DDB2: variants seen among roughly 807,000 people sequenced by gnomAD.
DDB2 encodes damage specific DNA binding protein 2, also known as DNA damage-binding protein 2.
DDB2 carries 27 observed loss-of-function variants against 50.5 expected under a neutral mutation model. The observed-to-expected ratio is 0.53, with a 90% CI of 0.39 to 0.74. The LOEUF (loss-of-function observed/expected upper bound fraction) is 0.74. DDB2 is among the 30% of genes least tolerant of loss of function. DDB2 has a pLI of 0.00. For synonymous variants in DDB2, 176 were observed against 205.5 expected (o/e 0.86, Z 1.23); for missense variants, 424 against 545.6 (o/e 0.78, Z 2.22).
intron 7 of DDB2, among the ~76,000 whole-genome samples, chr11:47,236,611 T>C (rs1445941269): frequency 6.6e-6 from 1 of 152,260 alleles, no homozygotes; most frequent in Non-Finnish European, 1.5e-5. Flanking sequence ...TACTAGTCTC[T>C]AACTGATAGG....
chr11:47,237,794 A>C (rs1308591873), intron 7 of DDB2, 43 bp from the exon 8 acceptor site: 1 of 1,603,142 alleles, frequency 6.2e-7, no homozygotes, highest in Non-Finnish European at 8.5e-7. Flanking sequence ...CCCCTTGATC[A>C]TGTTCTGTGT....
At chr11:47,234,230 C>A (rs1417041011) in intron 4 of DDB2, among the ~76,000 whole-genome samples, 1 of 152,068 alleles carries the variant, frequency 6.6e-6, no homozygotes, top group Non-Finnish European at 1.5e-5. Flanking sequence ...AAGGAGAGAG[C>A]AGTAAAGGAG....
At chr11:47,222,267 CTT>C (rs1364817424) in intron 3 of DDB2, among the ~76,000 whole-genome samples, 1 of 151,488 alleles carries the variant, frequency 6.6e-6, no homozygotes, top group Non-Finnish European at 1.5e-5. Context: ...AATATATGGT[CTT>C]TTATTTTTGT....
At chr11:47,235,952 T>TTTGA (rs1953721179) in intron 7 of DDB2, 1 of 141,254 alleles carries the variant, frequency 7.1e-6, no homozygotes, top group Non-Finnish European at 1.6e-5. Flanking sequence ...TTTTTTTTCT[T>TTTGA]GAAACGGTCT....
chr11:47,215,926 A>G, intron 1 of DDB2: 1 of 321,018 alleles, frequency 3.1e-6, no homozygotes, highest in Non-Finnish European at 6.0e-6. Context: ...TCTTTTCCTA[A>G]ACGGTGACTT....
At chr11:47,229,847 T>G in intron 3 of DDB2, 1 of 396,600 alleles carries the variant, frequency 2.5e-6, no homozygotes, top group Non-Finnish European at 4.8e-6. Context: ...TTCTTCCTAA[T>G]AGAGACAGGG....
At chr11:47,227,628 A>G (rs1015890902) in intron 3 of DDB2, among the ~76,000 whole-genome samples, 2 of 151,818 alleles carry the variant, frequency 1.3e-5, no homozygotes, top group African/African-American at 4.8e-5. Context: ...CTCCTGCCTC[A>G]GCCTCCCAAG....
Position 47,236,995 on chromosome 11 carries a change from T to C in DDB2, c.1024-842T>C, listed in dbSNP as rs78806813. Among the ~76,000 whole-genome samples, 935 of 152,346 alleles carry C rather than the reference T, an allele frequency of 6.1e-3. 15 individuals carry two copies. The highest frequency in any genetic ancestry group is 0.021 in the African/African-American group (870 of 41,588). On this transcript the variant is annotated intron_variant, in intron 7 of 9. Coordinates refer to ENST00000256996, the MANE Select transcript of DDB2 (RefSeq NM_000107.3). ...CCTTGAGAAGTTTAGGAAAATCCCA[T>C]CCAATTCTGCCATTTTAATAACTGC...
chr11:47,223,624 CAAAAA>C (rs760490269), intron 3 of DDB2, among the ~76,000 whole-genome samples: 1 of 150,822 alleles, frequency 6.6e-6, no homozygotes, highest in Non-Finnish European at 1.5e-5. Flanking sequence ...TCTAAAAATA[CAAAAA>C]AAATTAGCCA....
Position 47,216,911 on chromosome 11 carries a change from G to T in DDB2, c.318G>T (p.Lys106Asn), listed in dbSNP as rs541629437. 2 of 1,614,064 alleles carry T rather than the reference G, an allele frequency of 1.2e-6. No homozygotes were observed. The highest frequency in any genetic ancestry group is 2.2e-5 in the South Asian group (2 of 91,072). ...TGGATTCTTACCGGATATTACAAAA[G>T]GCTGCCCCCTTTGACAGGAGGGCTA... ...HTLDSYRILQ[K>N]AAPFDRRATS... Residue 106 changes from lysine (K) to asparagine (N), a missense_variant, in exon 3 of 10, where the codon AAG (lysine) becomes AAT (asparagine). Transcript: ENST00000256996.
chr11:47,234,861 T>C lies in DDB2; in HGVS notation c.807T>C (p.Ile269=), dbSNP rs749806545. ...ATASVDQTVK[I]WDLRQVRGKA... ...CCTCCGTAGATCAAACAGTGAAAAT[T>C]TGGGACCTGCGCCAGGTTAGAGGGA... The change falls in exon 6 of 10, where the codon ATT becomes ATC. Residue 269 remains isoleucine (I), a synonymous_variant. Transcript: ENST00000256996. 2.8e-5 allele frequency: 45 copies of C among 1,614,080 alleles called. No individual in the cohort carries two copies. Among genetic ancestry groups the C allele is most frequent in the Non-Finnish European group, 3.5e-5 (41 of 1,180,040 alleles).
intron 3 of DDB2, among the ~76,000 whole-genome samples, chr11:47,230,282 C>T (rs1473973355): frequency 1.3e-5 from 2 of 152,132 alleles, no homozygotes; most frequent in South Asian, 2.1e-4. Flanking sequence ...TTTTGAACTC[C>T]TGGCCTTAAG....
chr11:47,214,803 A>G, upstream of DDB2: 1 of 379,042 alleles, frequency 2.6e-6, no homozygotes. Flanking sequence ...AAAGCCGGGG[A>G]CCATCTTTGC....
intron 3 of DDB2, among the ~76,000 whole-genome samples, chr11:47,220,919 G>A (rs973798873): frequency 6.6e-6 from 1 of 152,184 alleles, no homozygotes; most frequent in Non-Finnish European, 1.5e-5. Flanking sequence ...CAGCACTTTG[G>A]GAGGCCGAGG....
At chr11:47,216,693 A>C (rs140354834) in intron 2 of DDB2, among the ~76,000 whole-genome samples, 165 bp from the exon 3 acceptor site, 1 of 152,204 alleles carries the variant, frequency 6.6e-6, no homozygotes, top group East Asian at 1.9e-4. Context: ...TTCCAAGATT[A>C]TTCGTTCGTG....
At chr11:47,233,178 C>T (rs1403154885) in intron 4 of DDB2, 1 of 610,830 alleles carries the variant, frequency 1.6e-6, no homozygotes, top group African/African-American at 1.8e-5. Context: ...GGAGCCTCAG[C>T]TCTTCTGTAA....
intron 3 of DDB2, among the ~76,000 whole-genome samples, chr11:47,230,755 AAAG>A (rs1285674210): frequency 5.3e-5 from 8 of 152,298 alleles, no homozygotes; most frequent in East Asian, 1.9e-4. Flanking sequence ...GCTGCAGCGT[AAAG>A]AAGAAGTGGA....
At chr11:47,223,295 G>C (rs1953512046) in intron 3 of DDB2, among the ~76,000 whole-genome samples, 1 of 151,960 alleles carries the variant, frequency 6.6e-6, no homozygotes, top group African/African-American at 2.4e-5. Context: ...GACCAGCCTG[G>C]CTAACATGGT....
chr11:47,218,482 C>T (rs976148723), intron 3 of DDB2, among the ~76,000 whole-genome samples: 1 of 152,024 alleles, frequency 6.6e-6, no homozygotes, highest in East Asian at 1.9e-4. Context: ...CATGGATGAG[C>T]GAGGAGGAGC....
Sources: gnomAD v4.1 joint callset for allele counts (sites outside exome capture counted in the v4.1 genomes callset) on GRCh38, gnomAD v4.1.1 for gene constraint, MANE v1.5 for transcripts, NCBI Gene and HGNC (gene_info 2026-07-23, HGNC 2026-07-21) for gene names.